The following NEURL1 variants were observed in gnomAD, a reference collection of about 807,000 sequenced individuals.
NEURL1 encodes neuralized E3 ubiquitin protein ligase 1.
In NEURL1, 26 loss-of-function variants were observed where a neutral mutation model predicts 41.2. That is an observed-to-expected ratio of 0.63 (90% CI 0.46 to 0.87). The LOEUF (loss-of-function observed/expected upper bound fraction) is 0.87, where lower values mean the gene tolerates loss of function less well. NEURL1 is among the 40% of genes least tolerant of loss of function. The pLI is 0.00. For missense variants in NEURL1, 761 were observed against 871.1 expected (o/e 0.87, Z 1.59); for synonymous variants, 400 against 402.3 (o/e 0.99, Z 0.07).
chr10:103,552,460 T>C (rs2035050850), intron 1 of NEURL1, among the ~76,000 whole-genome samples: 1 of 152,104 alleles, frequency 6.6e-6, no homozygotes, highest in Non-Finnish European at 1.5e-5. Context: ...GTACTCACTC[T>C]CTCCCCTAAG....
intron 1 of NEURL1, among the ~76,000 whole-genome samples, chr10:103,522,819 G>C (rs997349402): frequency 6.6e-6 from 1 of 152,042 alleles, no homozygotes; most frequent in African/African-American, 2.4e-5. Context: ...CCTCTTGTAG[G>C]AACCCTCCTA....
chr10:103,573,225 G>A (rs948195003), intron 3 of NEURL1, among the ~76,000 whole-genome samples: 3 of 152,160 alleles, frequency 2.0e-5, no homozygotes, highest in African/African-American at 7.2e-5. Context: ...TAAGAGCCTG[G>A]AACTGGGCAG....
intron 1 of NEURL1, among the ~76,000 whole-genome samples, chr10:103,569,269 A>T (rs922128307): frequency 2.0e-5 from 3 of 152,218 alleles, no homozygotes; most frequent in African/African-American, 7.2e-5. Flanking sequence ...TTTCACTCAC[A>T]TCGTTATTTT....
At chr10:103,571,228 C>T (rs2035537201) in intron 2 of NEURL1, 115 bp downstream of exon 2, 1 of 1,071,742 alleles carries the variant, frequency 9.3e-7, no homozygotes, top group Non-Finnish European at 1.4e-6. Flanking sequence ...CCCAGCACCA[C>T]ACCCTGCCCC....
rs375119291 is a variant in NEURL1, at chr10:103,514,816, C to A, written c.85+20344C>A. ...GGCAGGAAGCATGCATGCCCAGGGC[C>A]ACCGACAGGGGTGTGCTCAACTCTA... is the stretch of plus-strand genomic sequence containing the variant. On this transcript the variant is annotated intron_variant, in intron 1 of 5. Transcript: ENST00000369780. Among the ~76,000 whole-genome samples, 170 of 152,328 alleles carry A rather than the reference C, an allele frequency of 1.1e-3. 3 individuals carry two copies. The South Asian group carries it at 0.034, about 31-fold the overall frequency.
At chr10:103,530,463 A>T (rs2133859018) in intron 1 of NEURL1, among the ~76,000 whole-genome samples, 1 of 151,018 alleles carries the variant, frequency 6.6e-6, no homozygotes, top group East Asian at 1.9e-4. Context: ...ATGTTATTTA[A>T]TTTCTATGTA....
intron 1 of NEURL1, among the ~76,000 whole-genome samples, chr10:103,495,207 A>G (rs1475169235): frequency 6.6e-6 from 1 of 152,086 alleles, no homozygotes; most frequent in Non-Finnish European, 1.5e-5. Context: ...GGATCTTCCA[A>G]TGCTGTCTCT....
rs180924020 is a variant in NEURL1, at chr10:103,555,469, G to C, written c.86-15403G>C. 1,621 of 1,314,628 alleles carry C rather than the reference G, an allele frequency of 1.2e-3. 31 individuals carry two copies. In the East Asian group the frequency reaches 0.025, roughly 21 times the overall value. 81.4% of individuals were successfully genotyped at this position (1,314,628 alleles called of 1,614,324 possible). A position where few individuals can be genotyped will look rare whatever the true frequency, so the allele number is the denominator to read the frequency against. ...CCACCCCAGCCCGAGACCGCCTGGG[G>C]AGGCCGGGCGGAGGGGCGCTGGGGC... On this transcript the variant is annotated intron_variant, in intron 1 of 5. Coordinates refer to ENST00000369780, the MANE Select transcript of NEURL1 (RefSeq NM_004210.5).
chr10:103,580,547 A>G (rs1046375237), intron 3 of NEURL1, among the ~76,000 whole-genome samples: 1 of 151,966 alleles, frequency 6.6e-6, no homozygotes, highest in Non-Finnish European at 1.5e-5. Context: ...AGCTCACTCA[A>G]CTGTGACCTT....
intron 1 of NEURL1, among the ~76,000 whole-genome samples, chr10:103,505,483 C>A (rs943483432): frequency 6.6e-6 from 1 of 152,136 alleles, no homozygotes; most frequent in Admixed American, 6.6e-5. Context: ...CCTTGGCCTC[C>A]CAAAATGTTG....
chr10:103,494,582 CG>C, intron 1 of NEURL1, 110 bp downstream of exon 1: 2 of 956,092 alleles, frequency 2.1e-6, no homozygotes, highest in Non-Finnish European at 3.0e-6. Flanking sequence ...GTCTGGAGGC[CG>C]GAGATGCACC....
chr10:103,513,153 C>T (rs1400582235), intron 1 of NEURL1, among the ~76,000 whole-genome samples: 1 of 152,184 alleles, frequency 6.6e-6, no homozygotes, highest in Non-Finnish European at 1.5e-5. Flanking sequence ...CAGCAGCCCT[C>T]CCTGGCAGCC....
intron 1 of NEURL1, among the ~76,000 whole-genome samples, chr10:103,561,621 G>C (rs1180385798): frequency 6.6e-6 from 1 of 152,188 alleles, no homozygotes; most frequent in Non-Finnish European, 1.5e-5. Context: ...ACGCTTAAGG[G>C]GAAGGGGTCA....
At chr10:103,577,656 G>A (rs1197314123) in intron 3 of NEURL1, 5 of 152,198 alleles carry the variant, frequency 3.3e-5, no homozygotes, top group Admixed American at 6.5e-5. Context: ...TTCCAGAGTC[G>A]AGCTTACAAG....
chr10:103,571,933 G>A (rs1564827138), intron 3 of NEURL1, 111 bp downstream of exon 3: 6 of 1,083,026 alleles, frequency 5.5e-6, no homozygotes, highest in Non-Finnish European at 6.5e-6. Context: ...TCTCTGACTG[G>A]TGCCAAGGGG....
chr10:103,532,579 T>C (rs1464322662), intron 1 of NEURL1, among the ~76,000 whole-genome samples: 2 of 152,242 alleles, frequency 1.3e-5, no homozygotes, highest in Non-Finnish European at 2.9e-5. Context: ...GCACTTTGAC[T>C]GTATCATCCC....
At chr10:103,569,488 G>T (rs2035492712) in intron 1 of NEURL1, among the ~76,000 whole-genome samples, 1 of 152,234 alleles carries the variant, frequency 6.6e-6, no homozygotes, top group Non-Finnish European at 1.5e-5. Flanking sequence ...GTCAAGCTGT[G>T]TCTGAGGCTG....
At chr10:103,520,395 A>G (rs1025918136) in intron 1 of NEURL1, among the ~76,000 whole-genome samples, 34 of 152,210 alleles carry the variant, frequency 2.2e-4, no homozygotes, top group African/African-American at 7.2e-4. Flanking sequence ...TTTCTCTTGC[A>G]GGCAGGGGCG....
chr10:103,504,140 C>T (rs762895065), intron 1 of NEURL1, among the ~76,000 whole-genome samples: 19 of 151,936 alleles, frequency 1.3e-4, no homozygotes, highest in Non-Finnish European at 2.4e-4. Flanking sequence ...ATTACAGGCA[C>T]ACACCACCAC....
Sources: allele counts gnomAD v4.1 joint callset (sites outside exome capture counted in the v4.1 genomes callset), GRCh38; gene constraint gnomAD v4.1.1; transcripts MANE v1.5; gene names NCBI Gene and HGNC (gene_info 2026-07-23, HGNC 2026-07-21).